TET3: variants seen among roughly 807,000 people sequenced by gnomAD.
TET3 encodes methylcytosine dioxygenase TET3.
TET3 carries 19 observed loss-of-function variants against 141.4 expected under a neutral mutation model. The ratio of observed to expected loss-of-function variants is 0.13; its 90% CI spans 0.09 to 0.20. The LOEUF (loss-of-function observed/expected upper bound fraction) is 0.20, where lower values mean the gene tolerates loss of function less well. TET3 is among the 10% of genes least tolerant of loss of function. The pLI is 1.00. For missense variants in TET3, 1,874 were observed against 2,356.9 expected (o/e 0.80, Z 4.24); for synonymous variants, 1,043 against 980.9 (o/e 1.06, Z -1.18).
rs1344295377 is a variant in TET3, at chr2:73,988,988, AAG to A, written c.303+2283_303+2284del. Among the ~76,000 whole-genome samples the A allele has an allele frequency of 9.8e-4, 136 of 139,060 alleles. 1 individual carries two copies. The highest frequency in any genetic ancestry group is 1.6e-3 in the Non-Finnish European group (108 of 66,552). The allele number at this position is 139,060 out of a possible 152,430, so 91.2% of individuals were successfully genotyped here. On this transcript the variant is annotated intron_variant, in intron 2 of 11. Coordinates refer to ENST00000409262, the MANE Select transcript of TET3 (RefSeq NM_001287491.2). ...CAGTGCCTCTCTCTGAAAAAAAAAA[AAG>A]TTTTTTTTGTTTTTTTTTTTTTTTG...
chr2:74,030,981 T>TC (rs1217898991), intron 3 of TET3, among the ~76,000 whole-genome samples: 2 of 151,992 alleles, frequency 1.3e-5, no homozygotes, highest in Non-Finnish European at 2.9e-5. Flanking sequence ...TAAAGGGATG[T>TC]CCGGGGGGGA....
chr2:74,038,838 C>T (rs1053418906), intron 3 of TET3, among the ~76,000 whole-genome samples: 2 of 152,122 alleles, frequency 1.3e-5, no homozygotes, highest in African/African-American at 2.4e-5. Flanking sequence ...TGGCTGTGCA[C>T]GGTAACTGTA....
intron 10 of TET3, among the ~76,000 whole-genome samples, chr2:74,094,889 C>T (rs1383766335): frequency 6.6e-6 from 1 of 152,102 alleles, no homozygotes. Flanking sequence ...GCCTGCTAGA[C>T]GTGCAGGTGG....
intron 2 of TET3, 92 bp from the exon 3 acceptor site, chr2:74,003,018 C>A (rs1684946100): frequency 5.7e-6 from 8 of 1,415,754 alleles, no homozygotes. Flanking sequence ...TCGCCTTCTT[C>A]CCCTCCGGCC....
At chr2:74,098,118 T>G (rs1162323718) in intron 10 of TET3, among the ~76,000 whole-genome samples, 1 of 152,198 alleles carries the variant, frequency 6.6e-6, no homozygotes, top group Non-Finnish European at 1.5e-5. Context: ...CACATTCTGC[T>G]GGTATGAGTG....
Position 74,099,303 on chromosome 2 carries a change from C to T in TET3, c.3295C>T (p.Arg1099Cys), listed in dbSNP as rs1455904465. 2 of 1,606,920 alleles carry T rather than the reference C, an allele frequency of 1.2e-6. No homozygotes were observed. Among genetic ancestry groups the T allele is most frequent in the Non-Finnish European group, 1.7e-6 (2 of 1,176,582 alleles). ...VVCTLTKEDN[R>C]CVGKIPEDEQ... is the part of the protein sequence containing the mutation. ...CTGCACCCTGACCAAGGAAGACAAT[C>T]GCTGCGTGGGCAAGATTCCCGAGGA... The change falls in exon 11 of 12, where the codon CGC (arginine) becomes TGC (cysteine). Residue 1099 changes from arginine (R) to cysteine (C), a missense_variant. Around this residue, in one of 10 missense-constraint regions of TET3, gnomAD observed 53 missense variants for 112.8 expected, o/e 0.47. Coordinates refer to ENST00000409262, the MANE Select transcript of TET3 (RefSeq NM_001287491.2).
At chr2:73,985,348 G>A (rs1284376173) in intron 1 of TET3, among the ~76,000 whole-genome samples, 191 bp downstream of exon 1, 1 of 137,838 alleles carries the variant, frequency 7.3e-6, no homozygotes, top group Non-Finnish European at 1.6e-5. Context: ...CGGGGCGGGG[G>A]CGGGGGCTGC....
At chr2:74,076,422 T>C (rs184050215) in intron 5 of TET3, among the ~76,000 whole-genome samples, 74 of 148,770 alleles carry the variant, frequency 5.0e-4, no homozygotes, top group Non-Finnish European at 8.5e-4. Context: ...ATAGAACCTA[T>C]TCAGGTTCAT....
chr2:73,994,638 C>CTTTTTTTTTTTTTTTTTTTTTT (rs572235939), intron 2 of TET3, among the ~76,000 whole-genome samples: 1 of 96,750 alleles, frequency 1.0e-5, no homozygotes, highest in African/African-American at 6.0e-5. Flanking sequence ...TTCTTTCTTT[C>CTTTTTTTTTTTTTTTTTTTTTT]TTTTTTTTTT....
intron 2 of TET3, among the ~76,000 whole-genome samples, chr2:73,995,051 C>T (rs528539036): frequency 3.0e-4 from 45 of 152,324 alleles, no homozygotes; most frequent in African/African-American, 1.0e-3. Flanking sequence ...ACCTCTGCCT[C>T]ATGGTTCAAG....
At chr2:74,088,633 T>C (rs1382128371) in intron 7 of TET3, among the ~76,000 whole-genome samples, 2 of 152,144 alleles carry the variant, frequency 1.3e-5, no homozygotes, top group African/African-American at 4.8e-5. Context: ...AGTGAGACTC[T>C]GTCTCAAAAA....
the TET3 span, among the ~76,000 whole-genome samples, chr2:74,114,103 G>C: frequency 6.6e-6 from 1 of 152,168 alleles, no homozygotes; most frequent in Non-Finnish European, 1.5e-5. Context: ...CATAAAAATA[G>C]ACACAAAGAC....
intron 3 of TET3, among the ~76,000 whole-genome samples, chr2:74,017,778 G>A (rs993176213): frequency 2.6e-5 from 4 of 152,058 alleles, no homozygotes; most frequent in East Asian, 1.9e-4. Flanking sequence ...TGGATCATAC[G>A]GTAGTTCTAG....
At chr2:74,092,708 T>G (rs1352643322) in intron 8 of TET3, among the ~76,000 whole-genome samples, 194 bp from the exon 9 acceptor site, 2 of 152,226 alleles carry the variant, frequency 1.3e-5, no homozygotes, top group African/African-American at 2.4e-5. Flanking sequence ...CAGCTTTTCC[T>G]GGGAGCCTCA....
At chr2:74,052,530 T>C (rs1418882690) in intron 4 of TET3, among the ~76,000 whole-genome samples, 1 of 136,578 alleles carries the variant, frequency 7.3e-6, no homozygotes, top group African/African-American at 2.9e-5. Flanking sequence ...GGAACAACTT[T>C]ATAAAAGCAT....
the TET3 span, among the ~76,000 whole-genome samples, chr2:74,115,400 G>A: frequency 4.6e-5 from 7 of 152,082 alleles, no homozygotes; most frequent in East Asian, 3.9e-4. Context: ...GAGGTATAAC[G>A]GACATTAGAG....
At chr2:74,118,032 C>G in the TET3 span, among the ~76,000 whole-genome samples, 2 of 152,252 alleles carry the variant, frequency 1.3e-5, no homozygotes, top group African/African-American at 4.8e-5. Flanking sequence ...GCATGAGCCA[C>G]TGCACCCGAC....
In TET3 at chr2:74,047,685, G is replaced by A. The variant is rs72816199; in HGVS notation, c.1768G>A (p.Val590Met). The A allele has an allele frequency of 4.6e-3, 7,378 of 1,613,188 alleles. 86 individuals carry two copies. Among genetic ancestry groups the A allele is most frequent in the African/African-American group, 0.045 (3,358 of 75,004 alleles). Residue 590 changes from valine (V) to methionine (M), a missense_variant, in exon 4 of 12, where the codon GTG (valine) becomes ATG (methionine). Coordinates refer to ENST00000409262, the MANE Select transcript of TET3 (RefSeq NM_001287491.2). ...GCTCCCAACACCAGCTGGAGGTCCC[G>A]TGGGAACGGAGAAAGCTGCCCCTGG... ...KKLPTPAGGP[V>M]GTEKAAPGIK... is the part of the protein sequence containing the mutation.
chr2:74,079,576 A>C (rs1335244106), intron 5 of TET3, among the ~76,000 whole-genome samples: 2 of 152,254 alleles, frequency 1.3e-5, no homozygotes, highest in African/African-American at 4.8e-5. Flanking sequence ...CAGGAACTTC[A>C]AAGCACTTTA....
Sources: allele counts gnomAD v4.1 joint callset (sites outside exome capture counted in the v4.1 genomes callset), GRCh38; gene constraint gnomAD v4.1.1; regional missense constraint gnomAD v4.1.1; transcripts MANE v1.5; gene names NCBI Gene and HGNC (gene_info 2026-07-23, HGNC 2026-07-21).